The following ATP6V0E1 variants were observed in gnomAD, a reference collection of about 807,000 sequenced individuals.
The protein encoded by ATP6V0E1 is V-type proton ATPase subunit e 1.
Under a neutral mutation model 11.6 loss-of-function variants are expected in ATP6V0E1, and 4 were observed. That is an observed-to-expected ratio of 0.35 (90% confidence interval 0.17 to 0.79). ATP6V0E1 has a LOEUF of 0.79. ATP6V0E1 is among the 30% of genes least tolerant of loss of function. ATP6V0E1 has a pLI of 0.54. For missense variants in ATP6V0E1, 105 were observed against 100.0 expected (o/e 1.05, Z -0.21); for synonymous variants, 36 against 34.8 (o/e 1.04, Z -0.13).
intron 2 of ATP6V0E1, among the ~76,000 whole-genome samples, chr5:173,000,338 A>G (rs896613345): frequency 6.6e-6 from 1 of 152,182 alleles, no homozygotes; most frequent in Non-Finnish European, 1.5e-5. Flanking sequence ...TCTCTTAAAC[A>G]TACAATCTTG....
At chr5:173,032,347 G>A (rs1385098599) in intron 3 of ATP6V0E1, among the ~76,000 whole-genome samples, 1 of 150,512 alleles carries the variant, frequency 6.6e-6, no homozygotes, top group Non-Finnish European at 1.5e-5. Context: ...GAGTCCAATG[G>A]TGTGATCTCA....
chr5:173,000,769 C>T (rs1200947403), intron 2 of ATP6V0E1, among the ~76,000 whole-genome samples: 1 of 150,402 alleles, frequency 6.6e-6, no homozygotes, highest in African/African-American at 2.5e-5. Context: ...GGCGAGATCT[C>T]AGCTCACTGC....
intron 3 of ATP6V0E1, among the ~76,000 whole-genome samples, chr5:173,033,466 T>C (rs1459967951): frequency 6.6e-6 from 1 of 152,180 alleles, no homozygotes; most frequent in Non-Finnish European, 1.5e-5. Context: ...AAAGATATTA[T>C]GAGGCTTTCA....
chr5:173,014,270 T>C (rs1756371751), intron 2 of ATP6V0E1, among the ~76,000 whole-genome samples: 1 of 151,720 alleles, frequency 6.6e-6, no homozygotes, highest in Admixed American at 6.6e-5. Flanking sequence ...TAGAAAATGG[T>C]ATGGAGTATA....
chr5:172,987,865 A>C (rs555104008), intron 1 of ATP6V0E1, among the ~76,000 whole-genome samples: 7 of 151,988 alleles, frequency 4.6e-5, no homozygotes, highest in African/African-American at 1.7e-4. Flanking sequence ...GGCGTGCACC[A>C]CTACACCCAG....
At chr5:172,985,414 C>T (rs932287119) in intron 1 of ATP6V0E1, among the ~76,000 whole-genome samples, 14 of 152,110 alleles carry the variant, frequency 9.2e-5, no homozygotes, top group African/African-American at 3.1e-4. Flanking sequence ...TCAAGTTCCT[C>T]CTCCCTGGTA....
At chr5:173,028,296 T>C (rs1756593142) in intron 3 of ATP6V0E1, among the ~76,000 whole-genome samples, 1 of 152,220 alleles carries the variant, frequency 6.6e-6, no homozygotes, top group Admixed American at 6.5e-5. Context: ...CAGACAGACT[T>C]AAGACAGGCT....
chr5:173,015,120 T>A (rs918379972), intron 2 of ATP6V0E1, among the ~76,000 whole-genome samples: 1 of 152,202 alleles, frequency 6.6e-6, no homozygotes, highest in African/African-American at 2.4e-5. Context: ...ATGTTCTCAG[T>A]TAAAATATTC....
In ATP6V0E1 at chr5:172,983,934, C is replaced by T; in HGVS notation, c.74C>T (p.Pro25Leu). 4 of 1,613,128 alleles carry T rather than the reference C, an allele frequency of 2.5e-6. No individual in the cohort carries two copies. The highest frequency in any genetic ancestry group is 3.4e-6 in the Non-Finnish European group (4 of 1,179,822). Residue 25 changes from proline (P) to leucine (L), a missense_variant, in exon 1 of 4, where the codon CCT (proline) becomes CTT (leucine). By Grantham distance (98) the Pro-to-Leu change is moderately conservative. Transcript: ENST00000519374. ...TGGGGCTTCGTCGGCTTCTTGGTGC[C>T]TTGGTTCATCCCTAAGGGTCCTAAC... ...VFWGFVGFLV[P>L]WFIPKGPNRG...
intron 2 of ATP6V0E1, among the ~76,000 whole-genome samples, chr5:172,996,364 C>T (rs955301948): frequency 2.0e-5 from 3 of 151,918 alleles, no homozygotes; most frequent in Admixed American, 2.0e-4. Context: ...TTGAGACCAG[C>T]CTGGCCAACA....
At position 173,020,364 on chromosome 5, in the gene ATP6V0E1, T is replaced by G. The variant is rs1756460557; in HGVS notation, c.*33T>G. 1.3e-6 allele frequency: 2 copies of G among 1,516,066 alleles called. No homozygotes were observed. The highest frequency in any genetic ancestry group is 3.4e-5 in the Admixed American group (2 of 59,068). The allele number at this position is 1,516,066 out of a possible 1,614,324, so 93.9% of individuals were successfully genotyped here. ...GACATGCTCTACAGTGCTCAGTCTT[T>G]GAGGTGACTATGCTTGTGACCTTTC... On this transcript the variant is annotated 3_prime_UTR_variant, in exon 3 of 4. Coordinates refer to ENST00000519374, the MANE Select transcript of ATP6V0E1 (RefSeq NM_003945.4).
chr5:173,001,341 CA>C (rs1756149825), intron 2 of ATP6V0E1, among the ~76,000 whole-genome samples: 1 of 152,158 alleles, frequency 6.6e-6, no homozygotes, highest in Admixed American at 6.5e-5. Flanking sequence ...TTCCCCCATC[CA>C]CTCATTTCCA....
chr5:173,018,915 G>C (rs747398866), intron 2 of ATP6V0E1, among the ~76,000 whole-genome samples: 2 of 151,972 alleles, frequency 1.3e-5, no homozygotes, highest in Non-Finnish European at 2.9e-5. Flanking sequence ...ACAGAACTTT[G>C]TGAGCTATAT....
intron 2 of ATP6V0E1, among the ~76,000 whole-genome samples, chr5:173,004,460 G>C (rs73329263): frequency 0.021 from 3,209 of 152,252 alleles, 106 homozygotes; most frequent in African/African-American, 0.072. Flanking sequence ...GAAAGTGCTG[G>C]AAGAGGAGGT....
intron 3 of ATP6V0E1, among the ~76,000 whole-genome samples, chr5:173,023,183 TTTTA>T (rs897867824): frequency 1.5e-5 from 1 of 68,490 alleles, no homozygotes; most frequent in Admixed American, 1.6e-4. Flanking sequence ...CCAGTTCTAT[TTTTA>T]TTTATTTATT....
rs114464578 is a variant in ATP6V0E1, at chr5:173,024,656, C to T, written c.*36+4289C>T. On this transcript the variant is annotated intron_variant, in intron 3 of 3. Transcript: ENST00000519374. The stretch of plus-strand genomic sequence containing the variant: ...CAGTGGAAATGGCATTTAAGAATCA[C>T]GATCGGAGTGCTAGGTGCGTTTGTT... Among the ~76,000 whole-genome samples, 930 of 152,054 alleles carry T rather than the reference C, an allele frequency of 6.1e-3. 6 individuals carry two copies. The highest frequency in any genetic ancestry group is 0.03 in the South Asian group (146 of 4,808).
chr5:173,003,208 C>T (rs549232236), intron 2 of ATP6V0E1, among the ~76,000 whole-genome samples: 4 of 151,838 alleles, frequency 2.6e-5, no homozygotes, highest in South Asian at 4.2e-4. Flanking sequence ...GGGAATCTTC[C>T]GAGGTCATAA....
intron 2 of ATP6V0E1, among the ~76,000 whole-genome samples, chr5:173,009,744 G>A (rs553496300): frequency 1.1e-4 from 16 of 149,468 alleles, no homozygotes; most frequent in Non-Finnish European, 2.1e-4. Context: ...GATTACAGGC[G>A]TGAGCCACTG....
At chr5:172,999,875 T>G (rs1756125422) in intron 2 of ATP6V0E1, among the ~76,000 whole-genome samples, 1 of 152,206 alleles carries the variant, frequency 6.6e-6, no homozygotes, top group African/African-American at 2.4e-5. Context: ...TTTCTTTTGT[T>G]TCTTTGAAAT....
Sources: gnomAD v4.1 joint callset for allele counts (sites outside exome capture counted in the v4.1 genomes callset) on GRCh38, gnomAD v4.1.1 for gene constraint, MANE v1.5 for transcripts, NCBI Gene and HGNC (gene_info 2026-07-23, HGNC 2026-07-21) for gene names.